Variants in MCF2L2 observed in about 807,000 individuals in gnomAD.
The protein encoded by MCF2L2 is probable guanine nucleotide exchange factor MCF2L2.
In MCF2L2, 102 loss-of-function variants were observed where a neutral mutation model predicts 150.2. The observed-to-expected ratio is 0.68, with a 90% confidence interval of 0.58 to 0.80. MCF2L2 has a LOEUF of 0.80. Among genes scored for constraint, MCF2L2 ranks in the 30% least tolerant of loss-of-function variants. MCF2L2 has a pLI of 0.00. For synonymous variants in MCF2L2, 465 were observed against 491.3 expected (o/e 0.95, Z 0.71); for missense variants, 1,256 against 1,372.8 (o/e 0.91, Z 1.34).
intron 15 of MCF2L2, chr3:183,258,166 C>G (rs958402585): frequency 1.3e-5 from 2 of 152,226 alleles, no homozygotes; most frequent in African/African-American, 4.8e-5. Flanking sequence ...TGGGGTTTCA[C>G]CATGTTAGCC....
At chr3:183,226,615 G>A (rs1038406988) in intron 18 of MCF2L2, 8 of 152,166 alleles carry the variant, frequency 5.3e-5, no homozygotes, top group African/African-American at 1.7e-4. Context: ...TTCAGAAAAG[G>A]TATTTAGTTA....
At chr3:183,246,639 G>C (rs1478761105) in intron 15 of MCF2L2, among the ~76,000 whole-genome samples, 2 of 152,144 alleles carry the variant, frequency 1.3e-5, no homozygotes, top group East Asian at 3.8e-4. Flanking sequence ...GAATAATGCT[G>C]CTATGAACAC....
chr3:183,416,242 T>C (rs1342250725), intron 1 of MCF2L2, among the ~76,000 whole-genome samples: 1 of 117,178 alleles, frequency 8.5e-6, no homozygotes, highest in East Asian at 3.0e-4. Flanking sequence ...CTATGTTATA[T>C]AACTTTATGT....
chr3:183,376,957 G>A (rs926640226), intron 3 of MCF2L2: 2 of 152,142 alleles, frequency 1.3e-5, no homozygotes, highest in African/African-American at 4.8e-5. Flanking sequence ...CAGCACAAAG[G>A]TCAAAGTGAT....
intron 1 of MCF2L2, among the ~76,000 whole-genome samples, chr3:183,404,949 A>G (rs1714966765): frequency 6.6e-6 from 1 of 152,166 alleles, no homozygotes; most frequent in Non-Finnish European, 1.5e-5. Context: ...AACATTGGGA[A>G]ACTGGGAATA....
At chr3:183,364,290 G>A in intron 3 of MCF2L2, among the ~76,000 whole-genome samples, 1 of 152,104 alleles carries the variant, frequency 6.6e-6, no homozygotes, top group East Asian at 1.9e-4. Flanking sequence ...GGCGAGGCGG[G>A]CGGATCACAA....
At chr3:183,213,578 T>G (rs1174869303) in intron 22 of MCF2L2, among the ~76,000 whole-genome samples, 1 of 152,092 alleles carries the variant, frequency 6.6e-6, no homozygotes, top group Non-Finnish European at 1.5e-5. Flanking sequence ...TTATTACAGG[T>G]GATCATAAAC....
At chr3:183,228,722 G>C (rs190911696) in intron 17 of MCF2L2, among the ~76,000 whole-genome samples, 1 of 152,128 alleles carries the variant, frequency 6.6e-6, no homozygotes, top group Non-Finnish European at 1.5e-5. Context: ...ACAGCTGTTC[G>C]GGTAATTCTA....
chr3:183,317,746 G>C (rs1032255066), intron 7 of MCF2L2, among the ~76,000 whole-genome samples: 1 of 152,078 alleles, frequency 6.6e-6, no homozygotes, highest in African/African-American at 2.4e-5. Context: ...CCTTGAAAGG[G>C]TGCTCACATG....
intron 3 of MCF2L2, among the ~76,000 whole-genome samples, chr3:183,355,611 T>TA (rs1450838355): frequency 1.4e-3 from 176 of 130,246 alleles, no homozygotes; most frequent in Non-Finnish European, 2.3e-3. Flanking sequence ...CACGCCCAGC[T>TA]AATTTTTTTT....
At chr3:183,417,986 G>A (rs1483581880) in intron 1 of MCF2L2, among the ~76,000 whole-genome samples, 2 of 152,130 alleles carry the variant, frequency 1.3e-5, no homozygotes, top group African/African-American at 2.4e-5. Flanking sequence ...TCAGGAGTTC[G>A]AGACCAGCCT....
At chr3:183,240,328 C>G (rs1390285359) in intron 15 of MCF2L2, among the ~76,000 whole-genome samples, 3 of 152,200 alleles carry the variant, frequency 2.0e-5, no homozygotes, top group East Asian at 3.8e-4. Context: ...CTCTCAGGTT[C>G]AAATGGTTCT....
chr3:183,310,476 T>G (rs937870765), intron 9 of MCF2L2: 2 of 222,472 alleles, frequency 9.0e-6, no homozygotes, highest in African/African-American at 4.8e-5. Flanking sequence ...CACTCCAGCC[T>G]GGGCAACAGA....
chr3:183,204,060 T>A (rs1178142986), intron 25 of MCF2L2, among the ~76,000 whole-genome samples: 1 of 152,204 alleles, frequency 6.6e-6, no homozygotes, highest in African/African-American at 2.4e-5. Context: ...GGACAATGGA[T>A]ATCCACATGT....
intron 2 of MCF2L2, among the ~76,000 whole-genome samples, chr3:183,380,592 G>A (rs1248393905): frequency 6.6e-6 from 1 of 152,060 alleles, no homozygotes; most frequent in Non-Finnish European, 1.5e-5. Flanking sequence ...AGTAGAGACG[G>A]GGTTTCATCA....
chr3:183,381,771 A>G (rs1713540346), intron 2 of MCF2L2, among the ~76,000 whole-genome samples: 2 of 152,228 alleles, frequency 1.3e-5, no homozygotes. Context: ...GATGTTTATC[A>G]AGACAAGTAT....
chr3:183,255,544 G>T (rs148004630), intron 15 of MCF2L2, among the ~76,000 whole-genome samples: 3 of 152,286 alleles, frequency 2.0e-5, no homozygotes, highest in East Asian at 3.9e-4. Context: ...TCCCGGCCCT[G>T]CAAGGCTCTA....
intron 1 of MCF2L2, among the ~76,000 whole-genome samples, chr3:183,418,161 C>A (rs1715696587): frequency 1.3e-5 from 2 of 152,158 alleles, no homozygotes; most frequent in South Asian, 4.2e-4. Context: ...CCACTACAGC[C>A]TGGGTGACAG....
chr3:183,351,218 A>C (rs1250212938), intron 3 of MCF2L2, among the ~76,000 whole-genome samples: 2 of 90,320 alleles, frequency 2.2e-5, no homozygotes, highest in Admixed American at 1.1e-4. Context: ...ATATATATAT[A>C]TATATATATA....
Sources: allele counts gnomAD v4.1 joint callset (sites outside exome capture counted in the v4.1 genomes callset), GRCh38; gene constraint gnomAD v4.1.1; transcripts MANE v1.5; gene names NCBI Gene and HGNC (gene_info 2026-07-23, HGNC 2026-07-21).